The following KCNK9 variants were observed in gnomAD, a reference collection of about 807,000 sequenced individuals.
The protein encoded by KCNK9 is potassium two pore domain channel subfamily K member 9.
In KCNK9, 1 loss-of-function variant was observed where a neutral mutation model predicts 10.8. The observed-to-expected ratio is 0.09, with a 90% CI of 0.03 to 0.44. The LOEUF (loss-of-function observed/expected upper bound fraction) is 0.44, where lower values mean the gene tolerates loss of function less well. Among genes scored for constraint, KCNK9 ranks in the 20% least tolerant of loss-of-function variants. The probability of loss-of-function intolerance (pLI) is 0.97; values close to 1 mark genes in which losing one functional copy is unlikely to be tolerated. For synonymous variants in KCNK9, 231 were observed against 222.7 expected (o/e 1.04, Z -0.33); for missense variants, 303 against 515.0 (o/e 0.59, Z 3.98).
chr8:139,614,578 GT>G (rs1208599554), downstream of KCNK9, among the ~76,000 whole-genome samples: 1 of 152,226 alleles, frequency 6.6e-6, no homozygotes, highest in African/African-American at 2.4e-5. Flanking sequence ...AGATGAAGCA[GT>G]GCAGGTGGAA....
intron 1 of KCNK9, among the ~76,000 whole-genome samples, chr8:139,686,581 C>A (rs927962053): frequency 6.6e-6 from 1 of 152,122 alleles, no homozygotes; most frequent in Non-Finnish European, 1.5e-5. Flanking sequence ...ACCTTGAGGT[C>A]GATTATTGTT....
intron 1 of KCNK9, among the ~76,000 whole-genome samples, chr8:139,640,611 G>T (rs933591039): frequency 6.6e-6 from 1 of 152,304 alleles, no homozygotes; most frequent in East Asian, 1.9e-4. Flanking sequence ...AGCCACCAGG[G>T]CCTGTGCAAC....
chr8:139,702,996 C>T lies in KCNK9; in HGVS notation c.-4G>A, dbSNP rs752036751. 8 of 1,564,302 alleles carry T rather than the reference C, an allele frequency of 5.1e-6. No homozygotes were observed. In the Admixed American group the frequency reaches 1.5e-4, roughly 30 times the overall value. On this transcript the variant is annotated 5_prime_UTR_variant, in exon 1 of 2. Transcript: ENST00000520439. This position sits in a 1 kb window ranked among gnomAD's most constrained non-coding sequence, Gnocchi z 7.5. ...TCCGCACGTTCTGCCTCTTCATGGC[C>T]GCCAGCAAGGAGCCGGCGCGGGGGG...
intron 1 of KCNK9, among the ~76,000 whole-genome samples, chr8:139,651,070 T>C (rs1815847906): frequency 6.6e-6 from 1 of 152,076 alleles, no homozygotes; most frequent in Non-Finnish European, 1.5e-5. Context: ...TGCAAGGCTA[T>C]CAGGGTGGAT....
chr8:139,641,526 C>A (rs550910008), intron 1 of KCNK9, among the ~76,000 whole-genome samples: 1 of 152,142 alleles, frequency 6.6e-6, no homozygotes. Flanking sequence ...GGGTGGACAG[C>A]GTCGATGACC....
chr8:139,662,469 T>C (rs1172343096), intron 1 of KCNK9, among the ~76,000 whole-genome samples: 1 of 152,112 alleles, frequency 6.6e-6, no homozygotes, highest in Non-Finnish European at 1.5e-5. Context: ...GCTGTATTCA[T>C]AAGACAGGGA....
At chr8:139,603,847 A>G (rs1817426987) in intron 2 of KCNK9, among the ~76,000 whole-genome samples, 1 of 152,250 alleles carries the variant, frequency 6.6e-6, no homozygotes, top group East Asian at 1.9e-4. Flanking sequence ...ACTGTCTTCC[A>G]AAGAGAAGAG....
intron 1 of KCNK9, among the ~76,000 whole-genome samples, chr8:139,689,863 C>T (rs774168433): frequency 2.6e-5 from 4 of 152,212 alleles, no homozygotes; most frequent in Non-Finnish European, 1.5e-5. Context: ...AGGATGGTCT[C>T]GATCTCCTGA....
chr8:139,657,063 T>C (rs1816041266), intron 1 of KCNK9, among the ~76,000 whole-genome samples: 1 of 152,228 alleles, frequency 6.6e-6, no homozygotes, highest in Non-Finnish European at 1.5e-5. Flanking sequence ...CCCTGTCTCC[T>C]GCCTGGTCCA....
At chr8:139,655,169 T>A (rs901087121) in intron 1 of KCNK9, among the ~76,000 whole-genome samples, 1 of 152,014 alleles carries the variant, frequency 6.6e-6, no homozygotes, top group African/African-American at 2.4e-5. Context: ...GACGAGGGAA[T>A]GGGGTCAGGC....
chr8:139,701,166 C>A (rs1324702342), intron 1 of KCNK9, among the ~76,000 whole-genome samples: 2 of 152,162 alleles, frequency 1.3e-5, no homozygotes, highest in Non-Finnish European at 2.9e-5. Flanking sequence ...GAGAAAATGG[C>A]AATGACTGGC....
At chr8:139,700,672 T>C (rs527722683) in intron 1 of KCNK9, among the ~76,000 whole-genome samples, 5 of 152,204 alleles carry the variant, frequency 3.3e-5, no homozygotes, top group African/African-American at 1.2e-4. Flanking sequence ...TTCATACAAG[T>C]CCCACAGCCC....
At chr8:139,682,582 T>C (rs1326744898) in intron 1 of KCNK9, among the ~76,000 whole-genome samples, 2 of 151,606 alleles carry the variant, frequency 1.3e-5, no homozygotes, top group South Asian at 2.1e-4. Flanking sequence ...AGGGACGGGG[T>C]GGAGAGAGGG....
chr8:139,690,161 G>A (rs1256718451), intron 1 of KCNK9, among the ~76,000 whole-genome samples: 1 of 151,890 alleles, frequency 6.6e-6, no homozygotes, highest in Non-Finnish European at 1.5e-5. Context: ...TAACAACATA[G>A]TTAGCACAGA....
At chr8:139,625,518 T>C (rs892363258) in intron 1 of KCNK9, among the ~76,000 whole-genome samples, 7 of 152,150 alleles carry the variant, frequency 4.6e-5, no homozygotes, top group Non-Finnish European at 7.3e-5. Flanking sequence ...GTGACTTCCA[T>C]CTTCCCAGGC....
At chr8:139,687,006 A>T (rs1586692214) in intron 1 of KCNK9, among the ~76,000 whole-genome samples, 1 of 152,200 alleles carries the variant, frequency 6.6e-6, no homozygotes, top group African/African-American at 2.4e-5. Context: ...AAACCTAAAG[A>T]ATGCAAAGTA....
chr8:139,649,687 G>A (rs1344892619), intron 1 of KCNK9, among the ~76,000 whole-genome samples: 1 of 152,192 alleles, frequency 6.6e-6, no homozygotes, highest in Non-Finnish European at 1.5e-5. Context: ...CTGGCTCCAG[G>A]GCAGCACTGC....
At chr8:139,697,131 T>C (rs2129811539) in intron 1 of KCNK9, among the ~76,000 whole-genome samples, 1 of 149,116 alleles carries the variant, frequency 6.7e-6, no homozygotes, top group South Asian at 2.1e-4. Flanking sequence ...GATGGATAAA[T>C]AGTGGATGAA....
intron 1 of KCNK9, among the ~76,000 whole-genome samples, chr8:139,674,284 G>A (rs547635977): frequency 3.4e-4 from 52 of 152,302 alleles, no homozygotes; most frequent in African/African-American, 1.2e-3. Context: ...TGCCATGCGA[G>A]GATACAGCAG....
Sources: allele counts gnomAD v4.1 joint callset (sites outside exome capture counted in the v4.1 genomes callset), GRCh38; gene constraint gnomAD v4.1.1; non-coding constraint Gnocchi (gnomAD v3.1); transcripts MANE v1.5; gene names NCBI Gene and HGNC (gene_info 2026-07-23, HGNC 2026-07-21).